The following USP9Y variants were observed in gnomAD, a reference collection of about 807,000 sequenced individuals.
USP9Y encodes ubiquitin specific peptidase 9 Y-linked, also known as ubiquitin carboxyl-terminal hydrolase 9Y.
USP9Y carries 41 observed loss-of-function variants against 53.1 expected under a neutral mutation model. The ratio of observed to expected loss-of-function variants is 0.77; its 90% CI spans 0.60 to 1.00. USP9Y has a LOEUF of 1.00. USP9Y is among the 50% of genes least tolerant of loss of function. The probability of loss-of-function intolerance (pLI) is 0.00; values close to 1 mark genes in which losing one functional copy is unlikely to be tolerated. For missense variants in USP9Y, 567 were observed against 535.8 expected, an observed-to-expected ratio of 1.06 and a Z score of -0.58; for synonymous variants, 220 against 173.7, an observed-to-expected ratio of 1.27 and a Z score of -2.09.
chrY:12,797,071 C>T (rs2053513627), intron 27 of USP9Y, among the ~76,000 whole-genome samples: 3 of 33,943 alleles, frequency 8.8e-5, no homozygotes, highest in African/African-American at 2.3e-4. Context: ...AACACCCTTA[C>T]GTTCTTGATA....
intron 30 of USP9Y, among the ~76,000 whole-genome samples, chrY:12,812,357 A>T: frequency 3.0e-5 from 1 of 33,760 alleles, no homozygotes; most frequent in Non-Finnish European, 7.3e-5. Flanking sequence ...TGGTATGAAA[A>T]GTCAGTAAGC....
intron 30 of USP9Y, among the ~76,000 whole-genome samples, 187 bp from the exon 31 acceptor site, chrY:12,812,643 A>G: frequency 3.0e-5 from 1 of 33,840 alleles, no homozygotes; most frequent in South Asian, 6.5e-4. Context: ...ACTTCAAAAA[A>G]TCTAATCTGG....
At chrY:12,745,316 C>G (rs377119516) in intron 12 of USP9Y, among the ~76,000 whole-genome samples, 1 of 33,823 alleles carries the variant, frequency 3.0e-5, no homozygotes, top group East Asian at 7.8e-4. Context: ...GAACTTTCTT[C>G]CACAAGGACT....
intron 11 of USP9Y, among the ~76,000 whole-genome samples, chrY:12,739,169 G>C: frequency 3.1e-5 from 1 of 32,741 alleles, no homozygotes; most frequent in Non-Finnish European, 7.5e-5. Flanking sequence ...TTTTTTAAGA[G>C]AAACAACAAA....
At chrY:12,857,067 G>A in intron 44 of USP9Y, 1 of 118,574 alleles carries the variant, frequency 8.4e-6, no homozygotes, top group Non-Finnish European at 1.6e-5. Flanking sequence ...ACATACCTGA[G>A]AGAATTCAGA....
intron 26 of USP9Y, 86 bp downstream of exon 26, chrY:12,791,710 T>C: frequency 8.9e-6 from 2 of 225,197 alleles, no homozygotes; most frequent in South Asian, 9.8e-5. Context: ...TGTCACCTTA[T>C]AGACCAAGTC....
chrY:12,755,388 C>G, intron 12 of USP9Y, among the ~76,000 whole-genome samples: 1 of 31,731 alleles, frequency 3.2e-5, no homozygotes, highest in African/African-American at 1.2e-4. Flanking sequence ...TGGTCTCTAA[C>G]TCCCAACCTC....
chrY:12,710,237 TA>T (rs2053423597), intron 3 of USP9Y, among the ~76,000 whole-genome samples: 1 of 33,854 alleles, frequency 3.0e-5, no homozygotes, highest in Non-Finnish European at 7.3e-5. Context: ...ATAATATTTC[TA>T]AAAGGTTTAA....
At chrY:12,716,158 C>G in intron 3 of USP9Y, among the ~76,000 whole-genome samples, 1 of 34,118 alleles carries the variant, frequency 2.9e-5, no homozygotes, top group Non-Finnish European at 7.3e-5. Flanking sequence ...ATGGTATAAC[C>G]TACTACACAT....
rs1603200225 is a variant in USP9Y, at chrY:12,787,183, A to G, written c.3561+383A>G. ...CATGCAGCAAACCTCTCTTCCCACAACTGTGAATCTCTTTCTCCTTTGCTG... is the reference window on the plus strand; with the variant it reads ...CATGCAGCAAACCTCTCTTCCCACAGCTGTGAATCTCTTTCTCCTTTGCTG... On this transcript the variant is annotated intron_variant, in intron 24 of 45. Coordinates refer to ENST00000338981, the MANE Select transcript of USP9Y (RefSeq NM_004654.4). 1.8e-4 allele frequency among the ~76,000 whole-genome samples: 6 copies of G among 33,957 alleles called. No homozygotes were observed. The East Asian group carries it at 4.6e-3, about 26-fold the overall frequency. The allele number at this position is 33,957 out of a possible 37,273, so 91.1% of individuals were successfully genotyped here.
intron 12 of USP9Y, among the ~76,000 whole-genome samples, chrY:12,745,082 G>A (rs2053459827): frequency 3.0e-5 from 1 of 33,744 alleles, no homozygotes; most frequent in Non-Finnish European, 7.4e-5. Flanking sequence ...AACTACTAAC[G>A]AAACTAGAAG....
chrY:12,797,376 C>T, intron 27 of USP9Y, among the ~76,000 whole-genome samples: 1 of 33,047 alleles, frequency 3.0e-5, no homozygotes, highest in Admixed American at 2.8e-4. Flanking sequence ...TGGTTTGGTC[C>T]AGAAAGGCGG....
chrY:12,714,588 G>T, intron 3 of USP9Y, among the ~76,000 whole-genome samples: 1 of 28,590 alleles, frequency 3.5e-5, no homozygotes, highest in South Asian at 8.3e-4. Flanking sequence ...CTACAGGCAT[G>T]TGCTACCACG....
At chrY:12,711,889 G>A in intron 3 of USP9Y, among the ~76,000 whole-genome samples, 2 of 33,149 alleles carry the variant, frequency 6.0e-5, no homozygotes, top group African/African-American at 2.4e-4. Context: ...GCCTCCCAAA[G>A]TGCTGGGATT....
intron 33 of USP9Y, among the ~76,000 whole-genome samples, chrY:12,832,373 C>A: frequency 3.0e-5 from 1 of 33,290 alleles, no homozygotes; most frequent in East Asian, 7.8e-4. Context: ...TAAAGGGTGG[C>A]CTTAAAGTTG....
At chrY:12,712,994 G>A in intron 3 of USP9Y, among the ~76,000 whole-genome samples, 1 of 32,200 alleles carries the variant, frequency 3.1e-5, no homozygotes, top group Non-Finnish European at 7.5e-5. Flanking sequence ...TACGTAAGCT[G>A]TAATCATTGA....
Position 12,775,543 on chromosome Y carries a change from G to T in USP9Y, c.2404G>T (p.Gly802Cys), listed in dbSNP as rs2053491678. The T allele has an allele frequency of 2.6e-6, 1 of 390,168 alleles. No homozygotes were observed. Among genetic ancestry groups the T allele is most frequent in the Non-Finnish European group, 3.6e-6 (1 of 279,142 alleles). ...TCTTAAAGAGATATACACAAACCTT[G>T]GCCCAAGATTAAAAGCCAATCAGGT... The part of the protein sequence containing the change: ...DLLKEIYTNL[G>C]PRLKANQVVI... The change falls in exon 18 of 46, where the codon GGC (glycine) becomes TGC (cysteine). Residue 802 changes from glycine (G) to cysteine (C), a missense_variant. Transcript: ENST00000338981.
chrY:12,831,367 C>T, intron 33 of USP9Y, among the ~76,000 whole-genome samples: 1 of 33,081 alleles, frequency 3.0e-5, no homozygotes, highest in Non-Finnish European at 7.4e-5. Context: ...ATAGTAATTG[C>T]TGGTGAGGCT....
chrY:12,770,458 G>A (rs950967475), intron 15 of USP9Y, among the ~76,000 whole-genome samples: 2 of 32,950 alleles, frequency 6.1e-5, no homozygotes, highest in Admixed American at 2.8e-4. Context: ...AGTAGATGAT[G>A]TTAATAAAGT....
Sources: allele counts gnomAD v4.1 joint callset (sites outside exome capture counted in the v4.1 genomes callset), GRCh38; gene constraint gnomAD v4.1.1; transcripts MANE v1.5; gene names NCBI Gene and HGNC (gene_info 2026-07-23, HGNC 2026-07-21).